ATAD5: variants seen among roughly 807,000 people sequenced by gnomAD.
ATAD5 encodes the protein ATPase family AAA domain-containing protein 5.
A neutral mutation model predicts 176.9 loss-of-function variants in ATAD5; 58 were observed. The observed-to-expected ratio is 0.33, with a 90% CI of 0.27 to 0.41. ATAD5 has a LOEUF of 0.41. Among genes scored for constraint, ATAD5 ranks in the 10% least tolerant of loss-of-function variants. ATAD5 has a pLI of 1.00. For synonymous variants in ATAD5, 640 were observed against 712.6 expected (o/e 0.90, Z 1.62); for missense variants, 1,789 against 2,094.1 (o/e 0.85, Z 2.84).
chr17:30,876,968 T>C (rs1856238199), intron 15 of ATAD5, among the ~76,000 whole-genome samples: 1 of 151,960 alleles, frequency 6.6e-6, no homozygotes, highest in Non-Finnish European at 1.5e-5. Context: ...CCACCCACCT[T>C]AGCATCCCAA....
intron 15 of ATAD5, 133 bp downstream of exon 15, chr17:30,876,683 A>C: frequency 2.8e-6 from 1 of 354,452 alleles, no homozygotes; most frequent in Non-Finnish European, 5.0e-6. Flanking sequence ...TACATGTAGA[A>C]GTGTTAATAT....
intron 21 of ATAD5, 59 bp downstream of exon 21, chr17:30,894,209 A>T (rs9898911): frequency 0.78 from 1,048,393 of 1,349,878 alleles, 409,949 homozygotes; most frequent in East Asian, 1. Flanking sequence ...GGGGAAATCA[A>T]TAGAGTTTTT....
chr17:30,839,350 G>A (rs1363262487), intron 3 of ATAD5, among the ~76,000 whole-genome samples: 1 of 151,342 alleles, frequency 6.6e-6, no homozygotes, highest in African/African-American at 2.4e-5. Context: ...GCAGTGGCAC[G>A]GTCTCGGCTC....
chr17:30,840,974 T>A (rs1317690463), intron 4 of ATAD5, among the ~76,000 whole-genome samples, 193 bp downstream of exon 4: 2 of 152,124 alleles, frequency 1.3e-5, no homozygotes, highest in Non-Finnish European at 2.9e-5. Context: ...GAATCCTTCT[T>A]AAGTCACTCA....
At chr17:30,879,522 A>G (rs1344175493) in intron 18 of ATAD5, 35 bp downstream of exon 18, 6 of 1,538,898 alleles carry the variant, frequency 3.9e-6, no homozygotes, top group Non-Finnish European at 8.8e-7. Flanking sequence ...CAAATTACAT[A>G]TCACCATCAT....
chr17:30,891,482 C>T (rs187123397), intron 19 of ATAD5, among the ~76,000 whole-genome samples: 57 of 152,076 alleles, frequency 3.7e-4, no homozygotes, highest in Admixed American at 1.2e-3. Context: ...AGTGATTCTC[C>T]TGCCTCAGCC....
At chr17:30,841,147 T>C (rs963553971) in intron 4 of ATAD5, among the ~76,000 whole-genome samples, 1 of 152,076 alleles carries the variant, frequency 6.6e-6, no homozygotes, top group African/African-American at 2.4e-5. Flanking sequence ...GTAGCTGAGA[T>C]TACGAGTGTG....
At chr17:30,882,256 G>GA (rs551929459) in intron 18 of ATAD5, among the ~76,000 whole-genome samples, 15,650 of 141,698 alleles carry the variant, frequency 0.11, 919 homozygotes, top group South Asian at 0.25. Context: ...AACTCCATCT[G>GA]AAAAAAAAAA....
intron 17 of ATAD5, among the ~76,000 whole-genome samples, 170 bp from the exon 18 acceptor site, chr17:30,879,253 C>G (rs1351093816): frequency 6.6e-6 from 1 of 152,130 alleles, no homozygotes; most frequent in Non-Finnish European, 1.5e-5. Context: ...CAGAGGATCA[C>G]TTGAGCCCAG....
intron 10 of ATAD5, among the ~76,000 whole-genome samples, chr17:30,861,073 G>A (rs542222176): frequency 6.6e-6 from 1 of 152,044 alleles, no homozygotes; most frequent in African/African-American, 2.4e-5. Context: ...AAAGTGCTGG[G>A]ATTACAGGTG....
Position 30,835,001 on chromosome 17 carries a change from A to C in ATAD5, c.920A>C (p.Glu307Ala), listed in dbSNP as rs1905625314. ...ATAGTCAAAAGTGGTTATATAAGTG[A>C]ATCAGAAAACTCCGAAATTTCCCAG... ...DEIVKSGYIS[E>A]SENSEISQQV... is the part of the protein sequence containing the mutation. Residue 307 changes from glutamate (E) to alanine (A), a missense_variant, in exon 2 of 23, where the codon GAA becomes GCA. Coordinates refer to ENST00000321990, the MANE Select transcript of ATAD5 (RefSeq NM_024857.5). The C allele has an allele frequency of 6.2e-7, 1 of 1,613,904 alleles. No homozygotes were observed.
chr17:30,871,292 G>A (rs1487857321), intron 14 of ATAD5, among the ~76,000 whole-genome samples: 1 of 150,328 alleles, frequency 6.7e-6, no homozygotes, highest in African/African-American at 2.5e-5. Context: ...TTGAACATAT[G>A]GAATACAGTT....
chr17:30,887,830 ATTAT>A (rs1347474284), intron 19 of ATAD5, among the ~76,000 whole-genome samples: 1 of 151,882 alleles, frequency 6.6e-6, no homozygotes, highest in Non-Finnish European at 1.5e-5. Flanking sequence ...AAAAGAAAAA[ATTAT>A]TTATTTATAT....
chr17:30,873,645 T>C (rs1052095535), intron 14 of ATAD5, among the ~76,000 whole-genome samples: 1 of 151,804 alleles, frequency 6.6e-6, no homozygotes, highest in Non-Finnish European at 1.5e-5. Flanking sequence ...TATATTGATA[T>C]AGTTTAGCCA....
At chr17:30,867,801 C>T (rs918409396) in intron 11 of ATAD5, among the ~76,000 whole-genome samples, 2 of 151,892 alleles carry the variant, frequency 1.3e-5, no homozygotes, top group African/African-American at 2.4e-5. Context: ...AGACAGGTTT[C>T]GCTGTGTTGC....
At chr17:30,874,791 C>T (rs1037881237) in intron 14 of ATAD5, among the ~76,000 whole-genome samples, 1 of 151,176 alleles carries the variant, frequency 6.6e-6, no homozygotes, top group Non-Finnish European at 1.5e-5. Flanking sequence ...CCACCATCCC[C>T]AGCTAATTTT....
chr17:30,879,404 T>G lies in ATAD5; in HGVS notation c.4013-19T>G. 1 of 1,522,808 alleles carries G rather than the reference T, an allele frequency of 6.6e-7. No homozygotes were observed. The highest frequency in any genetic ancestry group is 8.9e-7 in the Non-Finnish European group (1 of 1,121,484). The allele number at this position is 1,522,808 out of a possible 1,614,324, so 94.3% of individuals were successfully genotyped here. A position where few individuals can be genotyped will look rare whatever the true frequency, so the allele number is the denominator to read the frequency against. Reference sequence around the variant, plus strand: ...AGTGTTTAAGAATTTTTTTTTTTTGTGTGTGTGTGTGTGTGTAGACCCAAC... The same window carrying G: ...AGTGTTTAAGAATTTTTTTTTTTTGGGTGTGTGTGTGTGTGTAGACCCAAC... On this transcript the variant is annotated intron_variant, in intron 17 of 22. Transcript: ENST00000321990.
intron 22 of ATAD5, 46 bp from the exon 23 acceptor site, chr17:30,894,789 T>A (rs1163606334): frequency 6.4e-7 from 1 of 1,557,484 alleles, no homozygotes; most frequent in South Asian, 1.2e-5. Flanking sequence ...TTTCATAAGA[T>A]GAAAATGTTA....
Position 30,893,504 on chromosome 17 carries a change from C to T in ATAD5, c.4651C>T (p.His1551Tyr). The T allele has an allele frequency of 6.2e-7, 1 of 1,612,584 alleles. No homozygotes were observed. Residue 1551 changes from histidine to tyrosine, a missense_variant, in exon 21 of 23, where the codon CAC becomes TAC. This residue lies in a region of ATAD5 where 403 missense variants were observed against 495.1 expected (regional missense o/e 0.81). Coordinates refer to ENST00000321990, the MANE Select transcript of ATAD5 (RefSeq NM_024857.5). ...AAGTATGAATTGTCTTGCTAGGAAA[C>T]ACTCTGAAAGAGAACAGCCATTGAA... ...TKSMNCLARK[H>Y]SEREQPLKKS...
Sources: allele counts gnomAD v4.1 joint callset (sites outside exome capture counted in the v4.1 genomes callset), GRCh38; gene constraint gnomAD v4.1.1; regional missense constraint gnomAD v4.1.1; transcripts MANE v1.5; gene names NCBI Gene and HGNC (gene_info 2026-07-23, HGNC 2026-07-21).